The following ELF2 variants were observed in gnomAD, a reference collection of about 807,000 sequenced individuals.
ELF2 encodes the protein ETS-related transcription factor Elf-2.
Under a neutral mutation model 54.8 loss-of-function variants are expected in ELF2, and 11 were observed. The observed-to-expected ratio is 0.20, with a 90% CI of 0.13 to 0.33. The LOEUF is 0.33. ELF2 is among the 10% of genes least tolerant of loss of function. ELF2 has a pLI of 1.00. For synonymous variants in ELF2, 203 were observed against 245.1 expected, an observed-to-expected ratio of 0.83 and a Z score of 1.61; for missense variants, 513 against 703.0, an observed-to-expected ratio of 0.73 and a Z score of 3.06.
intron 3 of ELF2, among the ~76,000 whole-genome samples, chr4:139,130,443 A>C (rs991255980): frequency 1.3e-5 from 2 of 152,232 alleles, no homozygotes; most frequent in African/African-American, 2.4e-5. Flanking sequence ...CCTAAATGTG[A>C]ACATTTCCAA....
At chr4:139,114,654 T>TTTC (rs1735406139) in intron 4 of ELF2, among the ~76,000 whole-genome samples, 1 of 143,092 alleles carries the variant, frequency 7.0e-6, no homozygotes, top group Non-Finnish European at 1.5e-5. Context: ...TTTTTTTTTT[T>TTTC]TTTTTTGCAC....
At chr4:139,150,952 G>A (rs1739814230) in intron 1 of ELF2, among the ~76,000 whole-genome samples, 1 of 139,132 alleles carries the variant, frequency 7.2e-6, no homozygotes, top group African/African-American at 2.8e-5. Context: ...GTGAACCCGG[G>A]AGGCGAGCTT....
intron 3 of ELF2, 170 bp downstream of exon 3, chr4:139,137,460 C>T: frequency 3.0e-6 from 2 of 658,432 alleles, no homozygotes; most frequent in South Asian, 2.0e-5. Flanking sequence ...CCTGCAATAC[C>T]TTCCTTGACC....
intron 4 of ELF2, among the ~76,000 whole-genome samples, chr4:139,088,041 CT>C (rs1045122343): frequency 2.0e-5 from 3 of 152,068 alleles, no homozygotes; most frequent in African/African-American, 7.2e-5. Flanking sequence ...AATCCCAGCA[CT>C]TTGGGGAGCC....
intron 7 of ELF2, chr4:139,067,115 T>G (rs552592105): frequency 6.8e-6 from 1 of 146,674 alleles, no homozygotes; most frequent in South Asian, 2.3e-4. Flanking sequence ...ATACAAAAAA[T>G]TAAAAAAAAA....
At chr4:139,084,903 A>G (rs1194762484) in intron 4 of ELF2, among the ~76,000 whole-genome samples, 3 of 152,196 alleles carry the variant, frequency 2.0e-5, no homozygotes, top group Non-Finnish European at 4.4e-5. Context: ...GGAGTTTCCA[A>G]CTACTTTCTG....
chr4:139,084,024 G>A, intron 4 of ELF2: 2 of 1,567,284 alleles, frequency 1.3e-6, no homozygotes, highest in African/African-American at 1.3e-5. Context: ...TGACTGTGAG[G>A]TGGACACTGT....
chr4:139,125,782 A>C (rs1736859926), intron 3 of ELF2, among the ~76,000 whole-genome samples: 1 of 83,766 alleles, frequency 1.2e-5, no homozygotes, highest in Non-Finnish European at 2.7e-5. Flanking sequence ...CTGGCAGCAA[A>C]AAAAAAAAAA....
chr4:139,076,349 T>C (rs1730313375), intron 4 of ELF2, among the ~76,000 whole-genome samples: 1 of 152,134 alleles, frequency 6.6e-6, no homozygotes, highest in Admixed American at 6.5e-5. Context: ...AGCTCAACTT[T>C]AAGAAAACTT....
At position 139,114,854 on chromosome 4, in the gene ELF2, C is replaced by G. The variant is rs1735450738; in HGVS notation, c.238+10310G>C. On this transcript the variant is annotated intron_variant, in intron 4 of 9. Coordinates refer to ENST00000686138, the MANE Select transcript of ELF2 (RefSeq NM_001331036.3). ...CACCAGGCCTGGCCGCAGGGTCCCC[C>G]GGTATTGCTGTTGCTACGAGGTTGG... The G allele has an allele frequency of 3.1e-6, 5 of 1,599,876 alleles. No individual in the cohort carries two copies. In the South Asian group the frequency reaches 5.5e-5, roughly 18 times the overall value.
chr4:139,067,594 T>G, intron 7 of ELF2, 90 bp downstream of exon 7: 1 of 1,302,768 alleles, frequency 7.7e-7, no homozygotes, highest in Non-Finnish European at 1.1e-6. Flanking sequence ...CATATGTGCA[T>G]GTACTAGAAA....
At position 139,137,878 on chromosome 4, in the gene ELF2, G is replaced by A; in HGVS notation, c.-166-11C>T. On this transcript the variant is annotated splice_polypyrimidine_tract_variant and intron_variant, in intron 2 of 9. Coordinates refer to ENST00000686138, the MANE Select transcript of ELF2 (RefSeq NM_001331036.3). ...GATTAACCAGAAAGCCTAAAAAGAG[G>A]AAGAATTTGAAAAGTTATTTTAAAA... 7.8e-7 allele frequency: 1 copy of A among 1,289,406 alleles called. No homozygotes were observed. Among genetic ancestry groups the A allele is most frequent in the South Asian group, 2.8e-5 (1 of 36,020 alleles). The allele number at this position is 1,289,406 out of a possible 1,614,324, so 79.9% of individuals were successfully genotyped here.
intron 4 of ELF2, among the ~76,000 whole-genome samples, chr4:139,074,435 G>A (rs1729980724): frequency 6.6e-6 from 1 of 152,072 alleles, no homozygotes; most frequent in Non-Finnish European, 1.5e-5. Context: ...GTGTCCAAGG[G>A]TTCCGCATCA....
intron 4 of ELF2, chr4:139,115,020 A>G: frequency 6.2e-7 from 1 of 1,613,818 alleles, no homozygotes. Flanking sequence ...TGTAACAGTC[A>G]ACCAGCAGCT....
intron 4 of ELF2, among the ~76,000 whole-genome samples, chr4:139,091,626 G>A (rs1342278696): frequency 6.6e-6 from 1 of 152,074 alleles, no homozygotes; most frequent in Non-Finnish European, 1.5e-5. Flanking sequence ...TGGGACTCCA[G>A]GTGTGTACCA....
chr4:139,135,618 A>T (rs548924590), intron 3 of ELF2, among the ~76,000 whole-genome samples: 7 of 152,322 alleles, frequency 4.6e-5, no homozygotes, highest in African/African-American at 1.7e-4. Flanking sequence ...TACTTCATAG[A>T]TAGTTAAGTG....
At chr4:139,092,927 TACGCATAC>T (rs1485788483) in intron 4 of ELF2, among the ~76,000 whole-genome samples, 2 of 151,772 alleles carry the variant, frequency 1.3e-5, no homozygotes, top group East Asian at 3.8e-4. Flanking sequence ...CCAGTAGGCA[TACGCATAC>T]ACATACAAAA....
At chr4:139,137,452 T>G in intron 3 of ELF2, 178 bp downstream of exon 3, 1 of 641,408 alleles carries the variant, frequency 1.6e-6, no homozygotes, top group Non-Finnish European at 2.7e-6. Context: ...ACGTAAGCCC[T>G]GCAATACCTT....
intron 3 of ELF2, chr4:139,137,246 A>T (rs1305860522): frequency 5.7e-6 from 1 of 173,932 alleles, no homozygotes. Flanking sequence ...CAAAGATAAT[A>T]AGTAAAGCAC....
Sources: gnomAD v4.1 joint callset for allele counts (sites outside exome capture counted in the v4.1 genomes callset) on GRCh38, gnomAD v4.1.1 for gene constraint, MANE v1.5 for transcripts, NCBI Gene and HGNC (gene_info 2026-07-23, HGNC 2026-07-21) for gene names.